Variants in SPATA6 observed in about 807,000 individuals in gnomAD.
SPATA6 encodes the protein spermatogenesis associated 6.
In SPATA6, 56 loss-of-function variants were observed where a neutral mutation model predicts 65.3. The ratio of observed to expected loss-of-function variants is 0.86; its 90% CI spans 0.69 to 1.07. The LOEUF is 1.07. SPATA6 is among the 50% of genes least tolerant of loss of function. The pLI, the probability that SPATA6 is intolerant of heterozygous loss-of-function variation, is 0.00. For synonymous variants in SPATA6, 199 were observed against 213.2 expected (o/e 0.93, Z 0.58); for missense variants, 590 against 594.8 (o/e 0.99, Z 0.08).
intron 11 of SPATA6, among the ~76,000 whole-genome samples, chr1:48,322,510 C>T (rs1383848427): frequency 6.6e-6 from 1 of 152,120 alleles, no homozygotes; most frequent in East Asian, 1.9e-4. Flanking sequence ...TAGGCATGGG[C>T]AAAGTCTTCA....
chr1:48,266,226 G>A, the SPATA6 span, among the ~76,000 whole-genome samples: 1 of 152,204 alleles, frequency 6.6e-6, no homozygotes, highest in Non-Finnish European at 1.5e-5. Flanking sequence ...TATAGCAATG[G>A]ATCAATCACT....
intron 12 of SPATA6, among the ~76,000 whole-genome samples, chr1:48,303,844 A>C (rs973114106): frequency 6.6e-6 from 1 of 152,162 alleles, no homozygotes; most frequent in African/African-American, 2.4e-5. Context: ...AAGAGTTCTT[A>C]AATTGTTTTT....
At chr1:48,348,515 C>G (rs549234500) in intron 11 of SPATA6, among the ~76,000 whole-genome samples, 2 of 151,988 alleles carry the variant, frequency 1.3e-5, no homozygotes, top group African/African-American at 4.8e-5. Flanking sequence ...CTTTTTCAAG[C>G]AAATCTTCAC....
rs1570673788 is a variant in SPATA6 at position 48,472,058 on chromosome 1, A to G, written c.-50T>C. ...GTGACCCCGGCCACGGGCCCGAGTG[A>G]GGCGGGGAGACCTGGGGCTGGGCGG... is the stretch of plus-strand genomic sequence containing the variant. On this transcript the variant is annotated 5_prime_UTR_variant, in exon 1 of 13. Transcript: ENST00000371847. 1.0e-6 allele frequency: 1 copy of G among 997,174 alleles called. No individual in the cohort carries two copies. Among genetic ancestry groups the G allele is most frequent in the Non-Finnish European group, 1.4e-6 (1 of 738,048 alleles). 61.8% of individuals were successfully genotyped at this position (997,174 alleles called of 1,614,324 possible).
chr1:48,331,242 A>C (rs12408045), intron 11 of SPATA6, among the ~76,000 whole-genome samples: 2 of 152,168 alleles, frequency 1.3e-5, no homozygotes, highest in African/African-American at 4.8e-5. Context: ...GGCTGAAATG[A>C]CAGAAATAGA....
At chr1:48,319,284 T>A (rs1467048948) in intron 11 of SPATA6, among the ~76,000 whole-genome samples, 1 of 152,122 alleles carries the variant, frequency 6.6e-6, no homozygotes, top group Non-Finnish European at 1.5e-5. Context: ...TTTTAAAAAC[T>A]TTTATGCTTC....
At chr1:48,310,530 T>C (rs1346168230) in intron 11 of SPATA6, among the ~76,000 whole-genome samples, 1 of 152,194 alleles carries the variant, frequency 6.6e-6, no homozygotes, top group Non-Finnish European at 1.5e-5. Flanking sequence ...GTGTATGAAC[T>C]TGTGAGAGCC....
rs1647089051 is a variant in SPATA6 at position 48,368,043 on chromosome 1, C to T, written c.910-8273G>A. 1.3e-5 allele frequency among the ~76,000 whole-genome samples: 2 copies of T among 152,130 alleles called. 1 individual carries two copies. The highest frequency in any genetic ancestry group is 4.1e-4 in the South Asian group (2 of 4,828). On this transcript the variant is annotated intron_variant, in intron 9 of 12. Coordinates refer to ENST00000371847, the MANE Select transcript of SPATA6 (RefSeq NM_019073.4). The stretch of plus-strand genomic sequence containing the variant: ...TTGTCTGTATAGTATTTTATTTCTC[C>T]TTCACTTATGAAGCTTAGTTTGGCT...
chr1:48,389,550 A>G (rs1557654124), intron 8 of SPATA6, among the ~76,000 whole-genome samples: 1 of 152,198 alleles, frequency 6.6e-6, no homozygotes, highest in Non-Finnish European at 1.5e-5. Context: ...AATCACCTAT[A>G]AAGAAACCCC....
intron 11 of SPATA6, among the ~76,000 whole-genome samples, chr1:48,343,706 T>C (rs952026560): frequency 4.5e-4 from 68 of 152,156 alleles, no homozygotes; most frequent in African/African-American, 1.5e-3. Flanking sequence ...CAATGGAACA[T>C]GCTTATGCCA....
At chr1:48,334,418 C>CA (rs1184917079) in intron 11 of SPATA6, among the ~76,000 whole-genome samples, 1 of 152,044 alleles carries the variant, frequency 6.6e-6, no homozygotes, top group African/African-American at 2.4e-5. Flanking sequence ...AGTAGCAAAT[C>CA]AAAAAGCTTA....
chr1:48,261,474 T>A, the SPATA6 span, among the ~76,000 whole-genome samples: 1 of 151,882 alleles, frequency 6.6e-6, no homozygotes, highest in Admixed American at 6.6e-5. Context: ...TAATTTTTTT[T>A]ACTTAAAGGC....
rs200739699 is a variant in SPATA6, at chr1:48,318,561, TG to T, written c.1195-12684del. Among the ~76,000 whole-genome samples, 1,054 of 152,272 alleles carry T rather than the reference TG, an allele frequency of 6.9e-3. 10 individuals carry two copies. The highest frequency in any genetic ancestry group is 0.01 in the Non-Finnish European group (696 of 67,978). On this transcript the variant is annotated intron_variant, in intron 11 of 12. Transcript: ENST00000371847. ...ATAACAAAATACTTAGGAGTAAACT[TG>T]ATTTTTTAATGGCTTAAAATGAACA...
intron 9 of SPATA6, among the ~76,000 whole-genome samples, chr1:48,384,237 G>A (rs1002821330): frequency 2.1e-5 from 3 of 143,532 alleles, no homozygotes; most frequent in Non-Finnish European, 4.6e-5. Context: ...TCGGCAGGCT[G>A]AGGCAGGAGA....
At chr1:48,372,795 C>T (rs537919608) in intron 9 of SPATA6, among the ~76,000 whole-genome samples, 1 of 152,368 alleles carries the variant, frequency 6.6e-6, no homozygotes, top group South Asian at 2.1e-4. Context: ...ACAGGCTCAA[C>T]ACCACATGGA....
chr1:48,293,619 A>G (rs762122641), downstream of SPATA6, among the ~76,000 whole-genome samples: 1 of 152,218 alleles, frequency 6.6e-6, no homozygotes, highest in African/African-American at 2.4e-5. Flanking sequence ...GTTACTGTTA[A>G]GTAATGTTAA....
chr1:48,400,579 C>A (rs1651071359), intron 6 of SPATA6, among the ~76,000 whole-genome samples: 1 of 151,978 alleles, frequency 6.6e-6, no homozygotes, highest in African/African-American at 2.4e-5. Flanking sequence ...TAAAAGCCAC[C>A]AATCCTACCT....
At chr1:48,282,743 A>G in the SPATA6 span, among the ~76,000 whole-genome samples, 1 of 152,178 alleles carries the variant, frequency 6.6e-6, no homozygotes, top group African/African-American at 2.4e-5. Flanking sequence ...TGGGACTGCA[A>G]ACTAGTTCAA....
rs1652419818 is a variant in SPATA6, at chr1:48,413,109, C to A, written c.280+1G>T. On this transcript the variant is annotated splice_donor_variant, in intron 4 of 12. Transcript: ENST00000371847. LOFTEE classifies it high-confidence loss of function. ...GTATATATTACATCAATATATATTA[C>A]CTGGTGGAACTAGCTGTATCAACTC... The A allele has an allele frequency of 2.3e-6, 3 of 1,305,314 alleles. No individual in the cohort carries two copies. The highest frequency in any genetic ancestry group is 3.1e-5 in the East Asian group (1 of 32,380). 80.9% of individuals were successfully genotyped at this position (1,305,314 alleles called of 1,614,324 possible).
Sources: gnomAD v4.1 joint callset for allele counts (sites outside exome capture counted in the v4.1 genomes callset) on GRCh38, gnomAD v4.1.1 for gene constraint, MANE v1.5 for transcripts, NCBI Gene and HGNC (gene_info 2026-07-23, HGNC 2026-07-21) for gene names.